The following GABRB1 variants were observed in gnomAD, a reference collection of about 807,000 sequenced individuals.
GABRB1 encodes gamma-aminobutyric acid receptor subunit beta-1.
In GABRB1, 17 loss-of-function variants were observed where a neutral mutation model predicts 51.6. The observed-to-expected ratio is 0.33, with a 90% CI of 0.23 to 0.49. GABRB1 has a LOEUF of 0.49. Among genes scored for constraint, GABRB1 ranks in the 20% least tolerant of loss-of-function variants. GABRB1 has a pLI of 0.99. For synonymous variants in GABRB1, 247 were observed against 218.9 expected (o/e 1.13, Z -1.14); for missense variants, 410 against 600.6 (o/e 0.68, Z 3.32).
intron 5 of GABRB1, among the ~76,000 whole-genome samples, chr4:47,366,620 G>A (rs942678987): frequency 3.4e-4 from 45 of 131,606 alleles, no homozygotes; most frequent in Non-Finnish European, 5.0e-4. Context: ...CATAGCATAA[G>A]ATGGGAAAAT....
intron 4 of GABRB1, among the ~76,000 whole-genome samples, chr4:47,186,964 A>G (rs547531619): frequency 2.9e-4 from 44 of 152,054 alleles, no homozygotes; most frequent in African/African-American, 8.4e-4. Flanking sequence ...TATGAGGTAA[A>G]CTAGTGTTCC....
chr4:47,208,788 T>C (rs1414672533), intron 4 of GABRB1, among the ~76,000 whole-genome samples: 1 of 152,130 alleles, frequency 6.6e-6, no homozygotes, highest in Non-Finnish European at 1.5e-5. Context: ...ATGATTTATA[T>C]TCTTATGGTA....
intron 4 of GABRB1, among the ~76,000 whole-genome samples, chr4:47,199,070 G>A (rs979651288): frequency 2.0e-5 from 3 of 152,076 alleles, no homozygotes; most frequent in African/African-American, 4.8e-5. Context: ...TTAGGTGGGG[G>A]CACAGAGCCA....
intron 3 of GABRB1, among the ~76,000 whole-genome samples, chr4:47,062,801 C>T (rs547759401): frequency 6.6e-6 from 1 of 152,064 alleles, no homozygotes; most frequent in Non-Finnish European, 1.5e-5. Flanking sequence ...AGTCCCAACT[C>T]TCTCACCTCT....
At chr4:47,129,468 A>T (rs1314599428) in intron 3 of GABRB1, among the ~76,000 whole-genome samples, 1 of 152,188 alleles carries the variant, frequency 6.6e-6, no homozygotes, top group Non-Finnish European at 1.5e-5. Flanking sequence ...ATCATTGGCA[A>T]ATATATTTTC....
At chr4:47,218,042 G>T (rs1720622179) in intron 4 of GABRB1, among the ~76,000 whole-genome samples, 1 of 151,576 alleles carries the variant, frequency 6.6e-6, no homozygotes. Flanking sequence ...CTACTTCCAT[G>T]ACAGCAACTT....
At chr4:47,047,268 T>C (rs1726137229) in intron 3 of GABRB1, among the ~76,000 whole-genome samples, 1 of 152,186 alleles carries the variant, frequency 6.6e-6, no homozygotes, top group South Asian at 2.1e-4. Context: ...CTCTTCAGGC[T>C]GGAAATATAA....
chr4:47,000,309 G>A (rs1482999305), intron 1 of GABRB1, among the ~76,000 whole-genome samples: 1 of 152,054 alleles, frequency 6.6e-6, no homozygotes, highest in Non-Finnish European at 1.5e-5. Flanking sequence ...ATGAAATAAG[G>A]GAAACATTGA....
intron 3 of GABRB1, among the ~76,000 whole-genome samples, chr4:47,155,056 G>A (rs1717631225): frequency 6.6e-6 from 1 of 151,930 alleles, no homozygotes; most frequent in African/African-American, 2.4e-5. Flanking sequence ...TATGTTTATT[G>A]ACTGCCTGTG....
chr4:47,400,308 T>G (rs1728331662), intron 5 of GABRB1, among the ~76,000 whole-genome samples: 1 of 152,242 alleles, frequency 6.6e-6, no homozygotes, highest in Non-Finnish European at 1.5e-5. Flanking sequence ...GTTCAAGCTA[T>G]TATTTGCTTC....
intron 4 of GABRB1, among the ~76,000 whole-genome samples, chr4:47,164,878 C>T (rs1170344735): frequency 6.6e-6 from 1 of 152,046 alleles, no homozygotes; most frequent in Non-Finnish European, 1.5e-5. Flanking sequence ...AACAGATATT[C>T]GGCCCTTGGG....
At chr4:47,339,252 G>A (rs905051455) in intron 5 of GABRB1, among the ~76,000 whole-genome samples, 1 of 152,110 alleles carries the variant, frequency 6.6e-6, no homozygotes, top group East Asian at 1.9e-4. Flanking sequence ...TTCTGTTTTG[G>A]ATAGGGAAGT....
At chr4:47,132,457 C>T (rs1223699673) in intron 3 of GABRB1, among the ~76,000 whole-genome samples, 1 of 151,762 alleles carries the variant, frequency 6.6e-6, no homozygotes, top group African/African-American at 2.4e-5. Context: ...GATTGCATCA[C>T]TTTAAAAAAG....
intron 3 of GABRB1, among the ~76,000 whole-genome samples, chr4:47,127,159 C>CT: frequency 6.6e-6 from 1 of 151,644 alleles, no homozygotes; most frequent in Non-Finnish European, 1.5e-5. Flanking sequence ...ATTATAGTAT[C>CT]TTTTTTGGAT....
At chr4:47,243,610 G>C (rs966911224) in intron 4 of GABRB1, among the ~76,000 whole-genome samples, 1 of 152,152 alleles carries the variant, frequency 6.6e-6, no homozygotes, top group African/African-American at 2.4e-5. Context: ...CACATCCCTT[G>C]TAAGTTGGAT....
At chr4:47,079,939 G>A (rs1457877897) in intron 3 of GABRB1, among the ~76,000 whole-genome samples, 5 of 151,800 alleles carry the variant, frequency 3.3e-5, no homozygotes, top group Admixed American at 2.6e-4. Flanking sequence ...CATGGCACAT[G>A]TATACATATG....
rs551040107 is a variant in GABRB1 at position 47,084,958 on chromosome 4, G to T, written c.240+52474G>T. On this transcript the variant is annotated intron_variant, in intron 3 of 8. Coordinates refer to ENST00000295454, the MANE Select transcript of GABRB1 (RefSeq NM_000812.4). ...TTTACTTTAGTTTTGTTCAACCCTTGGGAGTTATTAAGCTAAAGCCAAAAA... is the reference window on the plus strand; with the variant it reads ...TTTACTTTAGTTTTGTTCAACCCTTTGGAGTTATTAAGCTAAAGCCAAAAA... Among the ~76,000 whole-genome samples, 18 of 152,114 alleles carry T rather than the reference G, an allele frequency of 1.2e-4. No individual in the cohort carries two copies. In the South Asian group the frequency reaches 3.5e-3, roughly 30 times the overall value.
chr4:47,045,251 C>T (rs1726031456), intron 3 of GABRB1, among the ~76,000 whole-genome samples: 3 of 151,916 alleles, frequency 2.0e-5, no homozygotes. Context: ...TCCTAGGAAA[C>T]CCAGGATTTA....
chr4:47,234,581 C>T (rs1721257656), intron 4 of GABRB1, among the ~76,000 whole-genome samples: 1 of 152,012 alleles, frequency 6.6e-6, no homozygotes, highest in African/African-American at 2.4e-5. Flanking sequence ...AAAAATACCC[C>T]ATTTTCTACT....
Sources: gnomAD v4.1 joint callset for allele counts (sites outside exome capture counted in the v4.1 genomes callset) on GRCh38, gnomAD v4.1.1 for gene constraint, MANE v1.5 for transcripts, NCBI Gene and HGNC (gene_info 2026-07-23, HGNC 2026-07-21) for gene names.